MYRIP: variants seen among roughly 807,000 people sequenced by gnomAD.
MYRIP encodes the protein rab effector MyRIP.
A neutral mutation model predicts 98.0 loss-of-function variants in MYRIP; 49 were observed. The ratio of observed to expected loss-of-function variants is 0.50; its 90% CI spans 0.40 to 0.63. The LOEUF (loss-of-function observed/expected upper bound fraction) is 0.63. Ranked by LOEUF, MYRIP falls within the 30% of genes least tolerant of loss-of-function variation. MYRIP has a pLI of 0.00. For synonymous variants in MYRIP, 404 were observed against 409.5 expected, an observed-to-expected ratio of 0.99 and a Z score of 0.16; for missense variants, 1,004 against 1,058.2, an observed-to-expected ratio of 0.95 and a Z score of 0.71.
chr3:40,178,443 C>T (rs1020505732), intron 8 of MYRIP, among the ~76,000 whole-genome samples: 12 of 152,292 alleles, frequency 7.9e-5, no homozygotes, highest in Non-Finnish European at 1.6e-4. Flanking sequence ...GCAGCAAAGG[C>T]TGTCAGGCAC....
chr3:40,171,025 G>T (rs1364389193), intron 8 of MYRIP, among the ~76,000 whole-genome samples: 8 of 152,132 alleles, frequency 5.3e-5, no homozygotes, highest in Admixed American at 5.2e-4. Flanking sequence ...ATGCACAACG[G>T]TTACAAGGAG....
chr3:39,946,512 G>A (rs745920602), intron 2 of MYRIP, among the ~76,000 whole-genome samples: 2 of 152,200 alleles, frequency 1.3e-5, no homozygotes, highest in Non-Finnish European at 2.9e-5. Flanking sequence ...GTCAGAGAGA[G>A]AGAAGTGTGA....
chr3:39,939,862 T>C (rs1944742446), intron 2 of MYRIP, among the ~76,000 whole-genome samples: 1 of 152,134 alleles, frequency 6.6e-6, no homozygotes. Flanking sequence ...AAATAGAATC[T>C]GTTCCAGAAG....
chr3:39,842,869 C>G (rs1275488998), intron 1 of MYRIP, among the ~76,000 whole-genome samples: 2 of 152,238 alleles, frequency 1.3e-5, no homozygotes, highest in Admixed American at 6.5e-5. Context: ...CTGCATTGGT[C>G]TCTCTGGGAG....
chr3:39,913,283 T>C (rs1944070440), intron 2 of MYRIP, among the ~76,000 whole-genome samples: 1 of 152,200 alleles, frequency 6.6e-6, no homozygotes, highest in East Asian at 1.9e-4. Context: ...GCTTAGAGGA[T>C]AGGCAAACCT....
chr3:40,164,466 C>A (rs900289137), intron 5 of MYRIP, among the ~76,000 whole-genome samples: 7 of 152,170 alleles, frequency 4.6e-5, no homozygotes, highest in African/African-American at 1.7e-4. Context: ...TCAGTTTTTG[C>A]TCTTAAGGCC....
chr3:39,831,800 G>C (rs938213016), intron 1 of MYRIP, among the ~76,000 whole-genome samples: 2 of 152,134 alleles, frequency 1.3e-5, no homozygotes, highest in Non-Finnish European at 2.9e-5. Flanking sequence ...AGTTGCATTA[G>C]CTATGTTTTA....
chr3:39,899,082 A>G (rs566806892), intron 1 of MYRIP, among the ~76,000 whole-genome samples: 96 of 152,256 alleles, frequency 6.3e-4, no homozygotes, highest in African/African-American at 2.2e-3. Flanking sequence ...ATTATTCCCA[A>G]TGAAATCCTC....
chr3:39,968,950 T>TC (rs1462150421), intron 2 of MYRIP, among the ~76,000 whole-genome samples: 1 of 152,200 alleles, frequency 6.6e-6, no homozygotes, highest in African/African-American at 2.4e-5. Context: ...ATTTTTCCTA[T>TC]CCATGAGCAT....
At chr3:39,979,740 A>G (rs1945843982) in intron 2 of MYRIP, among the ~76,000 whole-genome samples, 1 of 151,964 alleles carries the variant, frequency 6.6e-6, no homozygotes, top group Non-Finnish European at 1.5e-5. Context: ...ATTCACTGGG[A>G]GATGCAGGCA....
intron 11 of MYRIP, among the ~76,000 whole-genome samples, chr3:40,212,587 G>A (rs1338626305): frequency 1.3e-5 from 2 of 151,952 alleles, no homozygotes; most frequent in Non-Finnish European, 1.5e-5. Context: ...TAGGCAACAC[G>A]GCAAAAACCC....
At chr3:39,912,079 C>A (rs888958719) in intron 2 of MYRIP, among the ~76,000 whole-genome samples, 1 of 152,190 alleles carries the variant, frequency 6.6e-6, no homozygotes, top group Non-Finnish European at 1.5e-5. Context: ...GGAGAGCCAG[C>A]CTCCCTGGCC....
rs1950512992 is a variant in MYRIP, at chr3:40,166,913, T to A, written c.618T>A (p.Ile206=). 6.2e-7 allele frequency: 1 copy of A among 1,613,810 alleles called. No homozygotes were observed. Among genetic ancestry groups the A allele is most frequent in the South Asian group, 1.1e-5 (1 of 91,078 alleles). The change falls in exon 6 of 17, where the codon ATT becomes ATA. Residue 206 remains isoleucine, a synonymous_variant. Transcript: ENST00000302541. ...RVAEEAIEEA[I]SKAEAYGDSL... ...CTGAAGAGGCCATTGAGGAAGCAAT[T>A]TCCAAAGCAGAGGCATATGGGGACA...
At chr3:40,233,748 A>T in intron 11 of MYRIP, 111 bp from the exon 12 acceptor site, 2 of 1,005,226 alleles carry the variant, frequency 2.0e-6, no homozygotes, top group Non-Finnish European at 3.0e-6. Context: ...TTGTGTGTGG[A>T]ATTACAGAAT....
Position 40,148,426 on chromosome 3 carries a change from C to T in MYRIP, c.333-2622C>T, listed in dbSNP as rs141516177. 2.4e-4 allele frequency among the ~76,000 whole-genome samples: 37 copies of T among 152,208 alleles called. 1 individual carries two copies. The highest frequency in any genetic ancestry group is 8.7e-4 in the African/African-American group (36 of 41,562). On this transcript the variant is annotated intron_variant, in intron 3 of 16. Transcript: ENST00000302541. ...TTCCTTTTTGGAATTCTGTTAGATGCTAGACCTCCTGAATTGATCCCCCAT... is the reference window on the plus strand; with the variant it reads ...TTCCTTTTTGGAATTCTGTTAGATGTTAGACCTCCTGAATTGATCCCCCAT...
intron 2 of MYRIP, among the ~76,000 whole-genome samples, chr3:39,975,171 T>G (rs1462100688): frequency 1.3e-5 from 2 of 152,330 alleles, no homozygotes; most frequent in East Asian, 3.9e-4. Context: ...CAAAATCTCC[T>G]TAAGCTGATA....
chr3:40,165,219 G>T (rs1371098910), intron 5 of MYRIP, among the ~76,000 whole-genome samples: 1 of 152,210 alleles, frequency 6.6e-6, no homozygotes, highest in Non-Finnish European at 1.5e-5. Context: ...CCTGGGCTGG[G>T]TTGCCCCTAC....
At chr3:39,918,238 A>G (rs1314029309) in intron 2 of MYRIP, among the ~76,000 whole-genome samples, 1 of 152,202 alleles carries the variant, frequency 6.6e-6, no homozygotes. Flanking sequence ...TTAAAAATCT[A>G]TATTCCCAAG....
chr3:39,874,174 T>G (rs964189613), intron 1 of MYRIP, among the ~76,000 whole-genome samples: 2 of 152,328 alleles, frequency 1.3e-5, no homozygotes, highest in Admixed American at 1.3e-4. Flanking sequence ...GCTTGTGATT[T>G]TTGTACATTG....
Sources: allele counts gnomAD v4.1 joint callset (sites outside exome capture counted in the v4.1 genomes callset), GRCh38; gene constraint gnomAD v4.1.1; transcripts MANE v1.5; gene names NCBI Gene and HGNC (gene_info 2026-07-23, HGNC 2026-07-21).